ABCB4: variants seen among roughly 807,000 people sequenced by gnomAD.
The protein encoded by ABCB4 is ATP binding cassette subfamily B member 4.
Under a neutral mutation model 145.7 loss-of-function variants are expected in ABCB4, and 76 were observed. The ratio of observed to expected loss-of-function variants is 0.52; its 90% CI spans 0.43 to 0.63. The LOEUF (loss-of-function observed/expected upper bound fraction) is 0.63, where lower values mean the gene tolerates loss of function less well. Ranked by LOEUF, ABCB4 falls within the 30% of genes least tolerant of loss-of-function variation. The pLI is 0.00. For synonymous variants in ABCB4, 517 were observed against 566.8 expected, an observed-to-expected ratio of 0.91 and a Z score of 1.25; for missense variants, 1,234 against 1,553.1, an observed-to-expected ratio of 0.79 and a Z score of 3.45.
intron 16 of ABCB4, among the ~76,000 whole-genome samples, chr7:87,424,404 G>A (rs2116537626): frequency 6.6e-6 from 1 of 152,260 alleles, no homozygotes; most frequent in Non-Finnish European, 1.5e-5. Context: ...AGTCATGGCT[G>A]GACCACATAA....
chr7:87,403,350 A>G, intron 26 of ABCB4, 69 bp from the exon 27 acceptor site: 2 of 1,426,502 alleles, frequency 1.4e-6, no homozygotes, highest in Admixed American at 1.7e-5. Flanking sequence ...TCTATTTACA[A>G]GAAAAACATT....
chr7:87,395,751 A>G, the ABCB4 span, among the ~76,000 whole-genome samples: 1 of 152,034 alleles, frequency 6.6e-6, no homozygotes, highest in African/African-American at 2.4e-5. Context: ...GCCACCCAGA[A>G]CCCCATGATT....
At chr7:87,390,907 T>C in the ABCB4 span, among the ~76,000 whole-genome samples, 1 of 152,226 alleles carries the variant, frequency 6.6e-6, no homozygotes, top group Non-Finnish European at 1.5e-5. Context: ...GGTCAGTAAT[T>C]TTATATCACA....
the ABCB4 span, among the ~76,000 whole-genome samples, chr7:87,370,731 C>A: frequency 6.6e-6 from 1 of 152,146 alleles, no homozygotes; most frequent in African/African-American, 2.4e-5. Context: ...TTCCCAGGGG[C>A]AGTCATTTAG....
At chr7:87,404,416 G>GA (rs1584667752) in intron 26 of ABCB4, among the ~76,000 whole-genome samples, 4 of 151,958 alleles carry the variant, frequency 2.6e-5, no homozygotes, top group Non-Finnish European at 5.9e-5. Context: ...AAAACTTTTA[G>GA]AAAAAAACAT....
chr7:87,418,371 G>C (rs1481140051), intron 20 of ABCB4, among the ~76,000 whole-genome samples, 166 bp downstream of exon 20: 1 of 152,168 alleles, frequency 6.6e-6, no homozygotes, highest in African/African-American at 2.4e-5. Context: ...GGGGGCAGTG[G>C]GTCAATCAAC....
chr7:87,429,010 C>A (rs1810024247), intron 15 of ABCB4, among the ~76,000 whole-genome samples: 1 of 152,204 alleles, frequency 6.6e-6, no homozygotes, highest in Non-Finnish European at 1.5e-5. Context: ...AGCCAACAGT[C>A]TACCTAATGG....
chr7:87,369,546 C>G, the ABCB4 span: 1 of 1,068,644 alleles, frequency 9.4e-7, no homozygotes, highest in Non-Finnish European at 1.4e-6. Flanking sequence ...TTAAAATATA[C>G]ATGTTTAGAA....
At chr7:87,451,216 A>T (rs1811703825) in intron 7 of ABCB4, among the ~76,000 whole-genome samples, 1 of 149,018 alleles carries the variant, frequency 6.7e-6, no homozygotes, top group Non-Finnish European at 1.5e-5. Flanking sequence ...GCTCACTGCG[A>T]CCTCCACCTC....
the ABCB4 span, among the ~76,000 whole-genome samples, chr7:87,380,147 T>A: frequency 2.0e-5 from 3 of 152,170 alleles, no homozygotes; most frequent in African/African-American, 7.2e-5. Context: ...GCATATGTAC[T>A]GTAAAATAAA....
chr7:87,399,240 C>T (rs779243432), downstream of ABCB4: 1 of 152,658 alleles, frequency 6.6e-6, no homozygotes, highest in Non-Finnish European at 1.5e-5. Flanking sequence ...TTTGGGAGGC[C>T]AAGGTAGGAG....
chr7:87,442,629 CACACACACACACATAAACACACACAT>C (rs1811061617), intron 12 of ABCB4, among the ~76,000 whole-genome samples: 1 of 151,222 alleles, frequency 6.6e-6, no homozygotes, highest in African/African-American at 2.4e-5. Context: ...ATACATAATA[CACACACACACACATAAACACACACAT>C]ACACACACAC....
At chr7:87,384,961 G>T in the ABCB4 span, among the ~76,000 whole-genome samples, 1 of 152,024 alleles carries the variant, frequency 6.6e-6, no homozygotes, top group Non-Finnish European at 1.5e-5. Flanking sequence ...GCCATTTATT[G>T]AAGAGCCTGT....
the ABCB4 span, among the ~76,000 whole-genome samples, chr7:87,384,640 G>T: frequency 6.6e-6 from 1 of 152,166 alleles, no homozygotes. Flanking sequence ...CTTGGGAGAT[G>T]GATAGTTTGC....
chr7:87,402,081 T>C lies in ABCB4; in HGVS notation c.*15A>G, dbSNP rs755211851. On this transcript the variant is annotated 3_prime_UTR_variant, in exon 28 of 28. Coordinates refer to ENST00000649586, the MANE Select transcript of ABCB4 (RefSeq NM_000443.4). ...ATAATTTGAATTTATTTTTAAAATA[T>C]ACTGTAGCAAAAGTTCATAAGTTCT... 8 of 1,613,744 alleles carry C rather than the reference T, an allele frequency of 5.0e-6. No individual in the cohort carries two copies. The highest frequency in any genetic ancestry group is 5.9e-6 in the Non-Finnish European group (7 of 1,179,666).
chr7:87,387,462 C>CT, the ABCB4 span, among the ~76,000 whole-genome samples: 176 of 145,082 alleles, frequency 1.2e-3, no homozygotes, highest in African/African-American at 2.9e-3. Context: ...ATGAGCTATA[C>CT]TTTTTTTTTT....
the ABCB4 span, among the ~76,000 whole-genome samples, chr7:87,376,822 C>T: frequency 6.6e-6 from 1 of 151,976 alleles, no homozygotes; most frequent in Non-Finnish European, 1.5e-5. Flanking sequence ...GCACTAATTA[C>T]TTTTATTGTC....
At chr7:87,401,517 T>TC (rs1807782070), downstream of ABCB4, among the ~76,000 whole-genome samples, 1 of 152,166 alleles carries the variant, frequency 6.6e-6, no homozygotes, top group Non-Finnish European at 1.5e-5. Flanking sequence ...GTTTAAAACT[T>TC]TAAAAAAATA....
the ABCB4 span, among the ~76,000 whole-genome samples, chr7:87,387,879 G>A: frequency 6.6e-6 from 1 of 152,236 alleles, no homozygotes; most frequent in Admixed American, 6.5e-5. Flanking sequence ...TTGCACCCAG[G>A]AGGTAGAGGT....
Sources: gnomAD v4.1 joint callset for allele counts (sites outside exome capture counted in the v4.1 genomes callset) on GRCh38, gnomAD v4.1.1 for gene constraint, MANE v1.5 for transcripts, NCBI Gene and HGNC (gene_info 2026-07-23, HGNC 2026-07-21) for gene names.